SYCP1: variants seen among roughly 807,000 people sequenced by gnomAD.
SYCP1 encodes the protein cancer/testis antigen 8.
A neutral mutation model predicts 153.1 loss-of-function variants in SYCP1; 64 were observed. That is an observed-to-expected ratio of 0.42 (90% confidence interval 0.34 to 0.51). The LOEUF (loss-of-function observed/expected upper bound fraction) is 0.51. Among genes scored for constraint, SYCP1 ranks in the 20% least tolerant of loss-of-function variants. The pLI is 0.06. For missense variants in SYCP1, 997 were observed against 1,049.0 expected (o/e 0.95, Z 0.68); for synonymous variants, 384 against 341.8 (o/e 1.12, Z -1.36).
chr1:114,892,528 T>A (rs1666786887), intron 15 of SYCP1, among the ~76,000 whole-genome samples: 1 of 152,110 alleles, frequency 6.6e-6, no homozygotes, highest in African/African-American at 2.4e-5. Context: ...TAGCTGGCAG[T>A]GGCAGAGGTT....
chr1:114,951,215 G>A (rs1051387843), intron 27 of SYCP1, among the ~76,000 whole-genome samples: 9 of 152,088 alleles, frequency 5.9e-5, no homozygotes, highest in African/African-American at 1.9e-4. Context: ...TTACATCCCA[G>A]AATAACTTTT....
At chr1:114,879,517 A>T (rs1329463076) in intron 12 of SYCP1, among the ~76,000 whole-genome samples, 1 of 152,174 alleles carries the variant, frequency 6.6e-6, no homozygotes, top group East Asian at 1.9e-4. Context: ...AATTCTTAGT[A>T]AGGGCATAAA....
intron 25 of SYCP1, among the ~76,000 whole-genome samples, chr1:114,945,683 C>G (rs1670661677): frequency 6.6e-6 from 1 of 152,138 alleles, no homozygotes; most frequent in African/African-American, 2.4e-5. Context: ...GCAGGAGCCT[C>G]TTTAAGCTGT....
At position 114,986,518 on chromosome 1, in the gene SYCP1, A is replaced by G. The variant is rs115949249; in HGVS notation, c.2703+1650A>G. ...ATCACAAACTTGCAACACAATAAAC[A>G]TATTACAGTATTATAGAATTGCACA... On this transcript the variant is annotated intron_variant, in intron 30 of 31. Coordinates refer to ENST00000369522, the MANE Select transcript of SYCP1 (RefSeq NM_003176.4). Among the ~76,000 whole-genome samples, 1,166 of 152,122 alleles carry G rather than the reference A, an allele frequency of 7.7e-3. 10 individuals carry two copies. Among genetic ancestry groups the G allele is most frequent in the African/African-American group, 0.026 (1,083 of 41,540 alleles).
chr1:114,918,950 G>A (rs1476670897), intron 20 of SYCP1, among the ~76,000 whole-genome samples: 1 of 151,810 alleles, frequency 6.6e-6, no homozygotes, highest in Non-Finnish European at 1.5e-5. Context: ...ATATACATCT[G>A]CACGCAAGGA....
intron 27 of SYCP1, among the ~76,000 whole-genome samples, chr1:114,954,027 C>T (rs1395643040): frequency 6.6e-6 from 1 of 151,716 alleles, no homozygotes; most frequent in Non-Finnish European, 1.5e-5. Flanking sequence ...TATTTCATTT[C>T]CTTTCATGCA....
intron 28 of SYCP1, among the ~76,000 whole-genome samples, chr1:114,979,788 T>C (rs1001982038): frequency 6.6e-6 from 1 of 151,854 alleles, no homozygotes; most frequent in Non-Finnish European, 1.5e-5. Context: ...TCTTGATTTA[T>C]AGATGAATAA....
rs1033035002 is a variant in SYCP1 at position 114,981,255 on chromosome 1, G to A, written c.2383-81G>A. On this transcript the variant is annotated intron_variant, in intron 28 of 31. Transcript: ENST00000369522. The stretch of plus-strand genomic sequence containing the variant: ...GCTTATTTTGTTGTGAATTCTACTA[G>A]TTGCTGCACTTTAATTAAAGAAATA... 93 of 1,118,350 alleles carry A rather than the reference G, an allele frequency of 8.3e-5. No individual in the cohort carries two copies. In the African/African-American group the frequency reaches 1.2e-3, roughly 14 times the overall value. The allele number at this position is 1,118,350 out of a possible 1,614,324, so 69.3% of individuals were successfully genotyped here.
At chr1:114,970,747 G>A (rs185605391) in intron 27 of SYCP1, among the ~76,000 whole-genome samples, 32 of 152,250 alleles carry the variant, frequency 2.1e-4, no homozygotes, top group African/African-American at 7.5e-4. Context: ...TCTGTGAAGA[G>A]TACTATGATG....
At chr1:114,862,007 G>A (rs779558702) in intron 8 of SYCP1, among the ~76,000 whole-genome samples, 1 of 151,754 alleles carries the variant, frequency 6.6e-6, no homozygotes, top group Non-Finnish European at 1.5e-5. Flanking sequence ...CACCATGTTA[G>A]CCAGGCTGGT....
intron 15 of SYCP1, among the ~76,000 whole-genome samples, chr1:114,890,609 A>G (rs1205323029): frequency 3.3e-5 from 5 of 152,118 alleles, no homozygotes; most frequent in Non-Finnish European, 7.4e-5. Context: ...AAGGCTTTGG[A>G]TAGTTGTAGA....
chr1:114,912,984 T>G lies in SYCP1; in HGVS notation c.1530-49T>G, dbSNP rs755914793. The G allele has an allele frequency of 6.1e-6, 8 of 1,301,414 alleles. No homozygotes were observed. The South Asian group carries it at 1.0e-4, about 17-fold the overall frequency. The allele number at this position is 1,301,414 out of a possible 1,614,324, so 80.6% of individuals were successfully genotyped here. Reference sequence around the variant, plus strand: ...ATGTTGAATAAAATTCCATATTATGTCATTACATTTGTAAATATTTTGGTA... The same window carrying G: ...ATGTTGAATAAAATTCCATATTATGGCATTACATTTGTAAATATTTTGGTA... On this transcript the variant is annotated intron_variant, in intron 18 of 31. Transcript: ENST00000369522.
intron 8 of SYCP1, among the ~76,000 whole-genome samples, chr1:114,868,929 C>T (rs1449489727): frequency 6.6e-6 from 1 of 152,138 alleles, no homozygotes; most frequent in Non-Finnish European, 1.5e-5. Flanking sequence ...AATCCTCTCT[C>T]TCTTTTTCTT....
intron 27 of SYCP1, among the ~76,000 whole-genome samples, chr1:114,960,408 T>TC (rs2101880164): frequency 6.6e-6 from 1 of 152,296 alleles, no homozygotes. Context: ...CCTCAGGTGA[T>TC]CCACTCGCCT....
chr1:114,904,169 T>A (rs1226387937), intron 16 of SYCP1, among the ~76,000 whole-genome samples: 1 of 150,964 alleles, frequency 6.6e-6, no homozygotes, highest in Non-Finnish European at 1.5e-5. Context: ...CAGGCTGGAG[T>A]GCAGTGGTGC....
At chr1:114,979,775 G>A (rs1673036156) in intron 28 of SYCP1, among the ~76,000 whole-genome samples, 2 of 151,752 alleles carry the variant, frequency 1.3e-5, no homozygotes, top group Non-Finnish European at 2.9e-5. Context: ...ATCTCATTTA[G>A]CCTCTTGATT....
intron 8 of SYCP1, among the ~76,000 whole-genome samples, chr1:114,861,719 G>A (rs551305737): frequency 6.6e-6 from 1 of 151,770 alleles, no homozygotes; most frequent in East Asian, 1.9e-4. Context: ...TTAGAACAAT[G>A]CAAAGTGCTC....
chr1:114,937,146 A>G (rs1159353299), intron 23 of SYCP1, among the ~76,000 whole-genome samples: 2 of 152,224 alleles, frequency 1.3e-5, no homozygotes. Context: ...TTCAAACTAT[A>G]CTACAAGGCT....
intron 30 of SYCP1, among the ~76,000 whole-genome samples, chr1:114,985,797 C>T (rs142012725): frequency 1.7e-4 from 26 of 151,298 alleles, no homozygotes; most frequent in African/African-American, 4.1e-4. Flanking sequence ...CTTTATACAA[C>T]GAAGATTACT....
Sources: gnomAD v4.1 joint callset for allele counts (sites outside exome capture counted in the v4.1 genomes callset) on GRCh38, gnomAD v4.1.1 for gene constraint, MANE v1.5 for transcripts, NCBI Gene and HGNC (gene_info 2026-07-23, HGNC 2026-07-21) for gene names.